Variants in CDH13 observed in about 807,000 individuals in gnomAD.
The protein encoded by CDH13 is cadherin 13, also known as cadherin-13.
In CDH13, 24 loss-of-function variants were observed where a neutral mutation model predicts 63.8. The ratio of observed to expected loss-of-function variants is 0.38; its 90% CI spans 0.27 to 0.53. The LOEUF (loss-of-function observed/expected upper bound fraction) is 0.53. Ranked by LOEUF, CDH13 falls within the 20% of genes least tolerant of loss-of-function variation. CDH13 has a pLI of 0.85. For synonymous variants in CDH13, 503 were observed against 355.3 expected (o/e 1.42, Z -4.67); for missense variants, 1,049 against 903.1 (o/e 1.16, Z -2.07).
At chr16:83,155,430 C>G (rs1325250889) in intron 4 of CDH13, among the ~76,000 whole-genome samples, 1 of 152,132 alleles carries the variant, frequency 6.6e-6, no homozygotes, top group East Asian at 1.9e-4. Flanking sequence ...AGGCCAAGGT[C>G]TAATTTGAAA....
chr16:83,282,995 C>T (rs2089218258), intron 5 of CDH13, among the ~76,000 whole-genome samples: 1 of 152,128 alleles, frequency 6.6e-6, no homozygotes, highest in Non-Finnish European at 1.5e-5. Flanking sequence ...TAATTCTGTT[C>T]TTCACTCCTT....
intron 1 of CDH13, among the ~76,000 whole-genome samples, chr16:82,742,353 C>T (rs936016263): frequency 6.6e-6 from 1 of 151,808 alleles, no homozygotes. Context: ...AAATTTTCTA[C>T]AATGAACATA....
intron 3 of CDH13, among the ~76,000 whole-genome samples, chr16:83,074,444 G>T (rs1236630985): frequency 1.3e-5 from 2 of 152,166 alleles, no homozygotes; most frequent in Non-Finnish European, 2.9e-5. Flanking sequence ...CGTAGATAGT[G>T]CTACAATAAA....
At chr16:82,909,250 A>G (rs1183784714) in intron 2 of CDH13, among the ~76,000 whole-genome samples, 2 of 96,244 alleles carry the variant, frequency 2.1e-5, no homozygotes, top group Admixed American at 2.4e-4. Context: ...GACTGACTGT[A>G]TATGTGTGTG....
intron 7 of CDH13, among the ~76,000 whole-genome samples, chr16:83,601,498 T>C (rs2150749533): frequency 6.6e-6 from 1 of 152,322 alleles, no homozygotes; most frequent in East Asian, 1.9e-4. Context: ...GTCTTCCACA[T>C]GTGACAGCCT....
rs566760680 is a variant in CDH13 at position 83,180,835 on chromosome 16, A to G, written c.484-36510A>G. The G allele has an allele frequency of 2.7e-5, 39 of 1,432,012 alleles. No individual in the cohort carries two copies. The East Asian group carries it at 6.9e-4, about 25-fold the overall frequency. 88.7% of individuals were successfully genotyped at this position (1,432,012 alleles called of 1,614,324 possible). A position where few individuals can be genotyped will look rare whatever the true frequency, so the allele number is the denominator to read the frequency against. ...TGTTGGCTTGTTTATTTTAATCCCC[A>G]ATTTACAACAAAATGTGTTTTTTTT... On this transcript the variant is annotated intron_variant, in intron 4 of 13. Transcript: ENST00000567109.
At chr16:82,751,703 T>TA (rs33998437) in intron 1 of CDH13, among the ~76,000 whole-genome samples, 10,501 of 139,836 alleles carry the variant, frequency 0.075, 464 homozygotes, top group Admixed American at 0.12. Flanking sequence ...GGAAAACAGG[T>TA]AAAAAAAAAA....
intron 13 of CDH13, among the ~76,000 whole-genome samples, chr16:83,792,741 C>A (rs999302558): frequency 6.6e-6 from 1 of 151,650 alleles, no homozygotes; most frequent in African/African-American, 2.4e-5. Flanking sequence ...ACCACCCTGA[C>A]AACATCAATG....
At chr16:83,019,998 C>T (rs1430040352) in intron 2 of CDH13, among the ~76,000 whole-genome samples, 1 of 152,100 alleles carries the variant, frequency 6.6e-6, no homozygotes, top group Non-Finnish European at 1.5e-5. Flanking sequence ...CCAGCATCAC[C>T]ACAAACACAT....
At chr16:82,776,825 G>A (rs556224553) in intron 1 of CDH13, among the ~76,000 whole-genome samples, 24 of 152,324 alleles carry the variant, frequency 1.6e-4, no homozygotes, top group African/African-American at 5.5e-4. Flanking sequence ...CTGGGGTGAA[G>A]ACAGAGAACA....
chr16:83,730,312 G>A (rs915385756), intron 10 of CDH13, among the ~76,000 whole-genome samples: 1 of 152,178 alleles, frequency 6.6e-6, no homozygotes, highest in Non-Finnish European at 1.5e-5. Flanking sequence ...CGCAAAGGGG[G>A]ACCTCATTTG....
intron 10 of CDH13, among the ~76,000 whole-genome samples, chr16:83,690,647 G>C (rs1196411994): frequency 1.3e-5 from 2 of 152,182 alleles, no homozygotes; most frequent in Non-Finnish European, 2.9e-5. Context: ...TAGTAATCCA[G>C]GTAAGAGGCC....
chr16:82,669,832 C>G (rs1356754327), intron 1 of CDH13, among the ~76,000 whole-genome samples: 1 of 152,224 alleles, frequency 6.6e-6, no homozygotes, highest in African/African-American at 2.4e-5. Flanking sequence ...ATGTCCTGAT[C>G]TCACTTTAGG....
chr16:82,962,423 G>GT (rs369436991), intron 2 of CDH13, among the ~76,000 whole-genome samples: 11 of 152,098 alleles, frequency 7.2e-5, no homozygotes, highest in East Asian at 1.9e-4. Flanking sequence ...AATCCCTATT[G>GT]TTTTTTTGCC....
At chr16:83,551,794 C>A (rs1453204479) in intron 7 of CDH13, among the ~76,000 whole-genome samples, 1 of 152,208 alleles carries the variant, frequency 6.6e-6, no homozygotes, top group Non-Finnish European at 1.5e-5. Flanking sequence ...ATCTCACCTG[C>A]TGGCCTATGA....
chr16:82,692,357 A>G (rs981402610), intron 1 of CDH13, among the ~76,000 whole-genome samples: 6 of 152,208 alleles, frequency 3.9e-5, no homozygotes, highest in Non-Finnish European at 8.8e-5. Flanking sequence ...GGATTAATTG[A>G]CTCACAGTTC....
intron 4 of CDH13, among the ~76,000 whole-genome samples, chr16:83,208,772 C>G (rs1203192415): frequency 6.6e-6 from 1 of 152,110 alleles, no homozygotes. Flanking sequence ...TAGTTATCAT[C>G]CTCTGAAAAT....
At chr16:83,361,763 T>C (rs1332872211) in intron 6 of CDH13, among the ~76,000 whole-genome samples, 1 of 152,142 alleles carries the variant, frequency 6.6e-6, no homozygotes, top group Non-Finnish European at 1.5e-5. Context: ...TTCTCAGTTC[T>C]TTATTCTGTC....
intron 3 of CDH13, among the ~76,000 whole-genome samples, chr16:83,052,198 C>T (rs2030414643): frequency 6.6e-6 from 1 of 152,154 alleles, no homozygotes; most frequent in South Asian, 2.1e-4. Flanking sequence ...GTAAATGCCT[C>T]ATTATCCTTT....
Sources: allele counts gnomAD v4.1 joint callset (sites outside exome capture counted in the v4.1 genomes callset), GRCh38; gene constraint gnomAD v4.1.1; transcripts MANE v1.5; gene names NCBI Gene and HGNC (gene_info 2026-07-23, HGNC 2026-07-21).